FBXO25: variants seen among roughly 807,000 people sequenced by gnomAD.
FBXO25 encodes F-box protein 25, also known as F-box only protein 25.
FBXO25 carries 45 observed loss-of-function variants against 51.9 expected under a neutral mutation model. That is an observed-to-expected ratio of 0.87 (90% confidence interval 0.68 to 1.11). FBXO25 has a LOEUF of 1.11. FBXO25 is among the 50% of genes most tolerant of loss of function. The pLI, the probability that FBXO25 is intolerant of heterozygous loss-of-function variation, is 0.00. For missense variants in FBXO25, 507 were observed against 428.5 expected, an observed-to-expected ratio of 1.18 and a Z score of -1.62; for synonymous variants, 199 against 151.0, an observed-to-expected ratio of 1.32 and a Z score of -2.33.
Position 468,916 on chromosome 8 carries a change from A to G in FBXO25, c.*112A>G, listed in dbSNP as rs991568005. On this transcript the variant is annotated 3_prime_UTR_variant, in exon 10 of 10. Coordinates refer to ENST00000350302, the MANE Select transcript of FBXO25 (RefSeq NM_183420.2). ...ACTCCTCGGAAGCCCCTGCTTCCAG[A>G]AAGCCTGGGAAGAACTGCCCTTCTG... 2 of 965,054 alleles carry G rather than the reference A, an allele frequency of 2.1e-6. No homozygotes were observed. Among genetic ancestry groups the G allele is most frequent in the African/African-American group, 3.3e-5 (2 of 59,802 alleles). The allele number at this position is 965,054 out of a possible 1,614,324, so 59.8% of individuals were successfully genotyped here. A position where few individuals can be genotyped will look rare whatever the true frequency, so the allele number is the denominator to read the frequency against.
chr8:435,579 A>G (rs1336637877), intron 4 of FBXO25, 36 bp from the exon 5 acceptor site: 8 of 1,589,644 alleles, frequency 5.0e-6, no homozygotes, highest in Admixed American at 1.9e-5. Context: ...CTTTTTGGCT[A>G]ATTGACTAAT....
chr8:459,236 G>A (rs1039274134), intron 8 of FBXO25, among the ~76,000 whole-genome samples: 4 of 152,236 alleles, frequency 2.6e-5, no homozygotes, highest in Non-Finnish European at 5.9e-5. Context: ...GAGGCATGTT[G>A]TGCTCCTCGT....
chr8:437,780 C>CG (rs1798189625), intron 5 of FBXO25, among the ~76,000 whole-genome samples: 3 of 150,716 alleles, frequency 2.0e-5, no homozygotes, highest in Non-Finnish European at 4.4e-5. Context: ...ATTTATCATA[C>CG]ATACTGTGCA....
chr8:431,517 T>C (rs955553488), intron 3 of FBXO25, 73 bp downstream of exon 3: 1 of 750,616 alleles, frequency 1.3e-6, no homozygotes, highest in Non-Finnish European at 2.2e-6. Context: ...GACAATGCTA[T>C]CTTATGAAAT....
At chr8:458,992 T>G (rs557797239) in intron 8 of FBXO25, among the ~76,000 whole-genome samples, 10 of 152,116 alleles carry the variant, frequency 6.6e-5, no homozygotes, top group Admixed American at 2.6e-4. Flanking sequence ...CCCTCCCCCC[T>G]GCCTTGTGTG....
chr8:457,053 A>G (rs1799487281), intron 7 of FBXO25, among the ~76,000 whole-genome samples: 1 of 152,226 alleles, frequency 6.6e-6, no homozygotes, highest in Non-Finnish European at 1.5e-5. Context: ...AAGCCACGAC[A>G]CATCAGAAGG....
intron 5 of FBXO25, among the ~76,000 whole-genome samples, chr8:444,392 C>A (rs112056873): frequency 0.017 from 2,543 of 152,232 alleles, 64 homozygotes; most frequent in African/African-American, 0.059. Context: ...CAGGAGTGGA[C>A]CTCGAATTTC....
At chr8:420,651 C>G (rs1027904321) in intron 2 of FBXO25, among the ~76,000 whole-genome samples, 1 of 152,228 alleles carries the variant, frequency 6.6e-6, no homozygotes, top group Non-Finnish European at 1.5e-5. Context: ...ATCTTAAATT[C>G]GTTTTGCTTA....
Position 458,476 on chromosome 8 carries a change from C to T in FBXO25, c.768C>T (p.Thr256=). The T allele has an allele frequency of 1.9e-6, 3 of 1,614,144 alleles. No individual in the cohort carries two copies. The highest frequency in any genetic ancestry group is 2.5e-6 in the Non-Finnish European group (3 of 1,180,012). Residue 256 remains threonine, a synonymous_variant, in exon 8 of 10, where the codon ACC becomes ACT. Transcript: ENST00000350302. ...ACATCATCACCTTAGGCCAGGTGAC[C>T]CCCACGTTGTATATGCTTAGTGAAG... ...GWDIITLGQV[T]PTLYMLSEDR...
rs779748553 is a variant in FBXO25, at chr8:431,402, A to G, written c.196A>G (p.Lys66Glu). ...TGAAGAGCATGAATATGCATCGAAA[A>G]AAAGGAAAAAGGACCATTTTAGAAA... is the stretch of plus-strand genomic sequence containing the variant. ...NNEEHEYASK[K>E]RKKDHFRNDT... Residue 66 changes from lysine (K) to glutamate (E), a missense_variant, in exon 3 of 10, where the codon AAA becomes GAA. Physicochemically the swap from Lys to Glu is moderately conservative, Grantham distance 56. Transcript: ENST00000350302. 1.8e-5 allele frequency: 28 copies of G among 1,554,192 alleles called. No homozygotes were observed. The highest frequency in any genetic ancestry group is 2.3e-5 in the Non-Finnish European group (26 of 1,150,224).
At chr8:423,401 G>A (rs62483101) in intron 2 of FBXO25, among the ~76,000 whole-genome samples, 12,792 of 152,128 alleles carry the variant, frequency 0.084, 620 homozygotes, top group South Asian at 0.15. Context: ...CTGTCACCTC[G>A]TTAGCATAGT....
chr8:434,187 T>C (rs1455725041), intron 4 of FBXO25, among the ~76,000 whole-genome samples: 6 of 152,182 alleles, frequency 3.9e-5, no homozygotes, highest in Non-Finnish European at 5.9e-5. Flanking sequence ...TACCCTCACC[T>C]GGTACAGAGC....
chr8:464,486 G>C (rs1054560745), intron 9 of FBXO25, among the ~76,000 whole-genome samples: 1 of 152,216 alleles, frequency 6.6e-6, no homozygotes, highest in African/African-American at 2.4e-5. Flanking sequence ...TCTTGCAAGA[G>C]TGGGCTGTCT....
intron 7 of FBXO25, among the ~76,000 whole-genome samples, chr8:451,916 GT>G (rs1200999452): frequency 1.3e-5 from 2 of 152,090 alleles, no homozygotes; most frequent in African/African-American, 4.8e-5. Context: ...AATCATGTCA[GT>G]TTTTTTGATA....
chr8:408,644 G>C (rs1415297762), intron 1 of FBXO25, among the ~76,000 whole-genome samples: 1 of 152,174 alleles, frequency 6.6e-6, no homozygotes, highest in Non-Finnish European at 1.5e-5. Context: ...TTATTGTTAA[G>C]AAAAAATATG....
intron 4 of FBXO25, among the ~76,000 whole-genome samples, chr8:433,865 G>A (rs566770277): frequency 1.3e-4 from 20 of 152,234 alleles, no homozygotes; most frequent in African/African-American, 4.8e-4. Context: ...ATGGTTAGTG[G>A]GTATAGAATG....
chr8:418,976 A>T (rs34905243), intron 2 of FBXO25, among the ~76,000 whole-genome samples: 1 of 152,170 alleles, frequency 6.6e-6, no homozygotes, highest in South Asian at 2.1e-4. Flanking sequence ...TAAAGTAGGC[A>T]GATTGCTTAC....
chr8:460,130 C>T (rs1479164430), intron 8 of FBXO25, among the ~76,000 whole-genome samples: 1 of 152,064 alleles, frequency 6.6e-6, no homozygotes, highest in Non-Finnish European at 1.5e-5. Flanking sequence ...TCCCAGTTTG[C>T]CCTGGGACAC....
At position 458,481 on chromosome 8, in the gene FBXO25, C is replaced by A; in HGVS notation, c.773C>A (p.Thr258Lys). 1 of 1,614,146 alleles carries A rather than the reference C, an allele frequency of 6.2e-7. No individual in the cohort carries two copies. Among genetic ancestry groups the A allele is most frequent in the Non-Finnish European group, 8.5e-7 (1 of 1,180,018 alleles). Residue 258 changes from threonine (T) to lysine (K), a missense_variant, in exon 8 of 10, where the codon ACG becomes AAG. Transcript: ENST00000350302. The stretch of plus-strand genomic sequence containing the variant: ...ATCACCTTAGGCCAGGTGACCCCCA[C>A]GTTGTATATGCTTAGTGAAGACAGA... The part of the protein sequence containing the change: ...DIITLGQVTP[T>K]LYMLSEDRQL...
Sources: allele counts gnomAD v4.1 joint callset (sites outside exome capture counted in the v4.1 genomes callset), GRCh38; gene constraint gnomAD v4.1.1; transcripts MANE v1.5; gene names NCBI Gene and HGNC (gene_info 2026-07-23, HGNC 2026-07-21).